PAPOLA: variants seen among roughly 807,000 people sequenced by gnomAD.
The protein encoded by PAPOLA is polynucleotide adenylyltransferase alpha.
PAPOLA carries 15 observed loss-of-function variants against 100.6 expected under a neutral mutation model. That is an observed-to-expected ratio of 0.15 (90% CI 0.10 to 0.23). The LOEUF is 0.23. PAPOLA is among the 10% of genes least tolerant of loss of function. The pLI is 1.00. For missense variants in PAPOLA, 533 were observed against 884.2 expected (o/e 0.60, Z 5.04); for synonymous variants, 293 against 300.0 (o/e 0.98, Z 0.24).
At chr14:96,556,474 C>A in intron 19 of PAPOLA, 61 bp downstream of exon 19, 1 of 1,126,010 alleles carries the variant, frequency 8.9e-7, no homozygotes, top group Non-Finnish European at 1.3e-6. Context: ...TTTTTAAATC[C>A]AGTGGAAGAA....
At chr14:96,561,280 T>C (rs1901823460) in intron 20 of PAPOLA, among the ~76,000 whole-genome samples, 1 of 152,134 alleles carries the variant, frequency 6.6e-6, no homozygotes, top group African/African-American at 2.4e-5. Context: ...TTTTTTTCCC[T>C]AGAAATTGAA....
intron 3 of PAPOLA, among the ~76,000 whole-genome samples, chr14:96,522,428 T>C (rs1566841396): frequency 6.6e-6 from 1 of 152,008 alleles, no homozygotes; most frequent in Non-Finnish European, 1.5e-5. Context: ...TCTTTTTTTT[T>C]TTGAGACAGG....
intron 1 of PAPOLA, among the ~76,000 whole-genome samples, chr14:96,512,480 C>G (rs1300873046): frequency 6.6e-6 from 1 of 152,114 alleles, no homozygotes; most frequent in Non-Finnish European, 1.5e-5. Context: ...TATCAGCTAT[C>G]TGGGTTCATA....
At position 96,532,464 on chromosome 14, in the gene PAPOLA, C is replaced by A. The variant is rs760106775; in HGVS notation, c.697+44C>A. The A allele has an allele frequency of 1.9e-6, 3 of 1,606,612 alleles. No homozygotes were observed. The African/African-American group carries it at 4.0e-5, about 22-fold the overall frequency. On this transcript the variant is annotated intron_variant, in intron 8 of 21. Coordinates refer to ENST00000216277, the MANE Select transcript of PAPOLA (RefSeq NM_032632.5). ...GGCTAGCTTATTAAAAATGTTCAAA[C>A]TTTTGTTCAACACTAACTTATCTTT... is the stretch of plus-strand genomic sequence containing the variant.
intron 3 of PAPOLA, among the ~76,000 whole-genome samples, chr14:96,521,951 G>A (rs747729277): frequency 1.3e-5 from 2 of 151,674 alleles, no homozygotes; most frequent in African/African-American, 2.4e-5. Context: ...GCAGGCGGGC[G>A]CCACCATGCC....
chr14:96,534,070 C>T (rs1899307858), intron 9 of PAPOLA: 4 of 991,150 alleles, frequency 4.0e-6, no homozygotes, highest in East Asian at 1.1e-4. Context: ...TATAATTATT[C>T]ATACCCCTTT....
At chr14:96,504,800 A>G (rs557617258) in intron 1 of PAPOLA, 8 of 152,328 alleles carry the variant, frequency 5.3e-5, no homozygotes, top group Admixed American at 2.0e-4. Context: ...TTTGTTTTTC[A>G]TGTACTGCTG....
chr14:96,521,221 T>G (rs934835147), intron 3 of PAPOLA, 149 bp downstream of exon 3: 1 of 586,096 alleles, frequency 1.7e-6, no homozygotes, highest in African/African-American at 1.9e-5. Context: ...TTTACATTAT[T>G]TTTCTAGTTA....
intron 6 of PAPOLA, among the ~76,000 whole-genome samples, chr14:96,530,622 A>G (rs1006626431): frequency 6.6e-6 from 1 of 152,018 alleles, no homozygotes; most frequent in Non-Finnish European, 1.5e-5. Flanking sequence ...GACAGCCTCA[A>G]GCAGTCTTCC....
chr14:96,529,125 T>C (rs1346959619), intron 6 of PAPOLA, among the ~76,000 whole-genome samples: 1 of 152,176 alleles, frequency 6.6e-6, no homozygotes, highest in Non-Finnish European at 1.5e-5. Flanking sequence ...AAAAATAATA[T>C]TTTAGGAACA....
chr14:96,562,661 A>G (rs1438437836), intron 20 of PAPOLA, 158 bp from the exon 21 acceptor site: 2 of 505,180 alleles, frequency 4.0e-6, no homozygotes, highest in Non-Finnish European at 7.2e-6. Context: ...ATAACCTACA[A>G]CATCTACTGA....
intron 1 of PAPOLA, among the ~76,000 whole-genome samples, chr14:96,514,180 C>CT (rs201921706): frequency 0.038 from 5,232 of 138,846 alleles, 183 homozygotes; most frequent in African/African-American, 0.094. Context: ...CATTAGGTAT[C>CT]TTTTTTTTTT....
intron 1 of PAPOLA, among the ~76,000 whole-genome samples, chr14:96,517,187 A>T (rs1897536180): frequency 6.6e-6 from 1 of 152,240 alleles, no homozygotes. Flanking sequence ...TAAAGTTTTT[A>T]CACTTTTTCT....
At chr14:96,505,823 CCAT>C (rs1896671631) in intron 1 of PAPOLA, among the ~76,000 whole-genome samples, 1 of 152,146 alleles carries the variant, frequency 6.6e-6, no homozygotes, top group South Asian at 2.1e-4. Flanking sequence ...AATGCTGTAT[CCAT>C]CATAGGAACA....
chr14:96,522,125 T>C lies in PAPOLA; in HGVS notation c.249+1053T>C, dbSNP rs1459682310. ...GCCTCTTTCTTTCTTTCTTTTTTTT[T>C]TTTTTTTTTTTTTTTTGAGACAGTC... On this transcript the variant is annotated intron_variant, in intron 3 of 21. Transcript: ENST00000216277. Among the ~76,000 whole-genome samples, 187 of 134,202 alleles carry C rather than the reference T, an allele frequency of 1.4e-3. 1 individual carries two copies. Among genetic ancestry groups the C allele is most frequent in the Middle Eastern group, 3.6e-3 (1 of 280 alleles). The allele number at this position is 134,202 out of a possible 152,430, so 88.0% of individuals were successfully genotyped here.
At chr14:96,536,637 A>G (rs548531752) in intron 11 of PAPOLA, among the ~76,000 whole-genome samples, 5 of 152,190 alleles carry the variant, frequency 3.3e-5, no homozygotes, top group Non-Finnish European at 7.4e-5. Flanking sequence ...TTTAGAAACA[A>G]CAGGGAAACT....
intron 1 of PAPOLA, among the ~76,000 whole-genome samples, chr14:96,515,068 C>T (rs1897361153): frequency 6.6e-6 from 1 of 151,934 alleles, no homozygotes; most frequent in Non-Finnish European, 1.5e-5. Context: ...AACCATGTGA[C>T]AAAGGAGTGG....
rs1016544165 is a variant in PAPOLA at position 96,562,913 on chromosome 14, A to G, written c.2142+20A>G. On this transcript the variant is annotated intron_variant, in intron 21 of 21. Transcript: ENST00000216277. ...TCTCAGGTACTAAGTGCAAAAAGCA[A>G]GGAGAATTTTGTAAATGTCCTTAAG... is the stretch of plus-strand genomic sequence containing the variant. 10 of 1,514,398 alleles carry G rather than the reference A, an allele frequency of 6.6e-6. No individual in the cohort carries two copies. The highest frequency in any genetic ancestry group is 1.7e-4 in the Middle Eastern group (1 of 5,858). 93.8% of individuals were successfully genotyped at this position (1,514,398 alleles called of 1,614,324 possible).
chr14:96,506,152 C>T (rs1286286637), intron 1 of PAPOLA, among the ~76,000 whole-genome samples: 1 of 152,190 alleles, frequency 6.6e-6, no homozygotes, highest in African/African-American at 2.4e-5. Context: ...TCCCCCCCCA[C>T]CTCGGCCTCC....
Sources: allele counts gnomAD v4.1 joint callset (sites outside exome capture counted in the v4.1 genomes callset), GRCh38; gene constraint gnomAD v4.1.1; transcripts MANE v1.5; gene names NCBI Gene and HGNC (gene_info 2026-07-23, HGNC 2026-07-21).